Variants in HGFAC observed in about 807,000 individuals in gnomAD.
HGFAC encodes HGF activator, also known as hepatocyte growth factor activator serine protease.
Under a neutral mutation model 70.6 loss-of-function variants are expected in HGFAC, and 76 were observed. That is an observed-to-expected ratio of 1.08 (90% confidence interval 0.89 to 1.30). HGFAC has a LOEUF of 1.30. Among genes scored for constraint, HGFAC ranks in the 50% most tolerant of loss-of-function variants. The pLI is 0.00. For missense variants in HGFAC, 1,044 were observed against 933.7 expected, an observed-to-expected ratio of 1.12 and a Z score of -1.54; for synonymous variants, 464 against 405.3, an observed-to-expected ratio of 1.14 and a Z score of -1.74.
Position 3,444,896 on chromosome 4 carries a change from T to C in HGFAC, c.919T>C (p.Cys307Arg). 6.2e-7 allele frequency: 1 copy of C among 1,609,278 alleles called. No individual in the cohort carries two copies. Among genetic ancestry groups the C allele is most frequent in the South Asian group, 1.1e-5 (1 of 90,328 alleles). ...VASTSASGLS[C>R]LAWNSDLLYQ... is the part of the protein sequence containing the mutation. ...CAGCACCTCAGCCTCGGGCCTCAGC[T>C]GCCTGGCCTGGAACTCCGATCTGCT... Residue 307 changes from cysteine (C) to arginine (R), a missense_variant, in exon 8 of 14, where the codon TGC (cysteine) becomes CGC (arginine). Coordinates refer to ENST00000382774, the MANE Select transcript of HGFAC (RefSeq NM_001528.4).
rs781328045 is a variant in HGFAC at position 3,444,970 on chromosome 4, C to A, written c.993C>A (p.Gly331=). The A allele has an allele frequency of 6.3e-7, 1 of 1,599,094 alleles. No homozygotes were observed. Among genetic ancestry groups the A allele is most frequent in the Admixed American group, 1.7e-5 (1 of 58,458 alleles). ...CCGTGGGCGCCGCGGCCCTGCTGGG[C>A]CTGGGCCCCCATGCCTACTGCCGGT... ...VDSVGAAALL[G]LGPHAYCRNP... is the part of the protein sequence containing the mutation. The change falls in exon 8 of 14, where the codon GGC becomes GGA. Residue 331 remains glycine (G), a synonymous_variant. Transcript: ENST00000382774.
intron 1 of HGFAC, 125 bp downstream of exon 1, chr4:3,442,243 G>A (rs956654559): frequency 1.7e-4 from 121 of 703,304 alleles, no homozygotes; most frequent in Non-Finnish European, 6.8e-5. Flanking sequence ...GTCCGAGCAG[G>A]GGGCTTACGT....
intron 8 of HGFAC, 79 bp downstream of exon 8, chr4:3,445,072 G>C (rs1725455820): frequency 1.4e-6 from 2 of 1,438,232 alleles, no homozygotes; most frequent in African/African-American, 1.4e-5. Flanking sequence ...CGGCTCCCTA[G>C]GACCCAGGCG....
At chr4:3,446,711 C>T (rs936775677) in intron 10 of HGFAC, among the ~76,000 whole-genome samples, 4 of 152,162 alleles carry the variant, frequency 2.6e-5, no homozygotes, top group Admixed American at 2.6e-4. Context: ...CCCACTCAGC[C>T]GGCTCCCCTC....
chr4:3,445,353 G>A lies in HGFAC; in HGVS notation c.1102+3G>A. 1 of 1,561,866 alleles carries A rather than the reference G, an allele frequency of 6.4e-7. No homozygotes were observed. Among genetic ancestry groups the A allele is most frequent in the East Asian group, 2.4e-5 (1 of 41,696 alleles). On this transcript the variant is annotated splice_donor_region_variant and intron_variant, in intron 9 of 13. Coordinates refer to ENST00000382774, the MANE Select transcript of HGFAC (RefSeq NM_001528.4). ...GTACTGCCGCCTGGAGGCCTGCGGT[G>A]CGCGGCTGGCGGGGGGTGCTGCCTT...
intron 6 of HGFAC, 28 bp from the exon 7 acceptor site, chr4:3,444,595 T>A (rs772874402): frequency 4.5e-6 from 7 of 1,563,022 alleles, no homozygotes; most frequent in African/African-American, 2.7e-5. Context: ...GCGCGGCCCC[T>A]GGCCCAGCTC....
chr4:3,448,655 C>A (rs1353100707), intron 13 of HGFAC, among the ~76,000 whole-genome samples: 3 of 152,358 alleles, frequency 2.0e-5, no homozygotes, highest in African/African-American at 7.2e-5. Flanking sequence ...AGTTCTTCAA[C>A]CTTCAATAAG....
rs986070688 is a variant in HGFAC, at chr4:3,449,293, C to T, written c.1842C>T (p.Gly614=). 2 of 1,612,578 alleles carry T rather than the reference C, an allele frequency of 1.2e-6. No homozygotes were observed. Among genetic ancestry groups the T allele is most frequent in the East Asian group, 2.2e-5 (1 of 44,834 alleles). Residue 614 remains glycine, a synonymous_variant, in exon 14 of 14, where the codon GGC becomes GGT. Coordinates refer to ENST00000382774, the MANE Select transcript of HGFAC (RefSeq NM_001528.4). ...AGAACGGCGTGGCTTACCTCTACGG[C>T]ATCATCAGCTGGGGTGACGGCTGCG... ...CEKNGVAYLY[G]IISWGDGCGR...
chr4:3,442,913 G>GT lies in HGFAC; in HGVS notation c.298+2dup. 1 of 1,562,116 alleles carries GT rather than the reference G, an allele frequency of 6.4e-7. No individual in the cohort carries two copies. The highest frequency in any genetic ancestry group is 8.7e-7 in the Non-Finnish European group (1 of 1,155,210). ...TCGAGCAGTAGCCCCCAGGCCCAAG[G>GT]TGGGTCAGGTGGGCCTGGGAGGAGG... On this transcript the variant is annotated splice_donor_variant, in intron 2 of 13. Transcript: ENST00000382774. LOFTEE classifies it high-confidence loss of function.
rs771527814 is a variant in HGFAC at position 3,447,649 on chromosome 4, G to A, written c.1495+18G>A. ...CGACCTCGGTGAGCTCCGGCGTGTC[G>A]TGGCTGCACTCTGGGCAGGTGGGCC... On this transcript the variant is annotated intron_variant, in intron 11 of 13. Transcript: ENST00000382774. The A allele has an allele frequency of 6.1e-5, 99 of 1,611,536 alleles. 1 individual carries two copies. Among genetic ancestry groups the A allele is most frequent in the Middle Eastern group, 3.3e-4 (2 of 6,070 alleles).
chr4:3,443,988 G>T, intron 4 of HGFAC, 51 bp from the exon 5 acceptor site: 3 of 1,522,834 alleles, frequency 2.0e-6, no homozygotes, highest in South Asian at 2.6e-5. Flanking sequence ...GTCACAGAGG[G>T]ACCCTGAGCC....
chr4:3,449,438 T>G lies in HGFAC; in HGVS notation c.*19T>G. 6.6e-7 allele frequency: 1 copy of G among 1,505,242 alleles called. No individual in the cohort carries two copies. The highest frequency in any genetic ancestry group is 8.9e-7 in the Non-Finnish European group (1 of 1,124,614). 93.2% of individuals were successfully genotyped at this position (1,505,242 alleles called of 1,614,324 possible). A position where few individuals can be genotyped will look rare whatever the true frequency, so the allele number is the denominator to read the frequency against. ...CTCCTGACCCTCCAGCGGGACACCC[T>G]GGTTCCCACCATTCCCTGCCTTGCT... On this transcript the variant is annotated 3_prime_UTR_variant, in exon 14 of 14. Transcript: ENST00000382774.
At position 3,445,298 on chromosome 4, in the gene HGFAC, C is replaced by T. The variant is rs144652114; in HGVS notation, c.1050C>T (p.Tyr350=). 1,657 of 1,588,882 alleles carry T rather than the reference C, an allele frequency of 1.0e-3. 45 individuals carry two copies. In the South Asian group the frequency reaches 0.017, roughly 16 times the overall value. Residue 350 remains tyrosine, a synonymous_variant, in exon 9 of 14, where the codon TAC becomes TAT. Coordinates refer to ENST00000382774, the MANE Select transcript of HGFAC (RefSeq NM_001528.4). The part of the protein sequence containing the change: ...NPDNDERPWC[Y]VVKDSALSWE... ...ACAATGACGAGAGGCCCTGGTGCTACGTGGTGAAGGACAGCGCGCTCTCCT... is the reference window on the plus strand; with the variant it reads ...ACAATGACGAGAGGCCCTGGTGCTATGTGGTGAAGGACAGCGCGCTCTCCT...
chr4:3,445,081 C>A, intron 8 of HGFAC, 88 bp downstream of exon 8: 1 of 1,415,568 alleles, frequency 7.1e-7, no homozygotes, highest in South Asian at 1.4e-5. Flanking sequence ...AGGACCCAGG[C>A]GGGGCCAGCT....
In HGFAC at chr4:3,446,246, T is replaced by C; in HGVS notation, c.1307T>C (p.Leu436Pro). 3 of 1,610,572 alleles carry C rather than the reference T, an allele frequency of 1.9e-6. No homozygotes were observed. Among genetic ancestry groups the C allele is most frequent in the Non-Finnish European group, 8.5e-7 (1 of 1,179,340 alleles). The stretch of plus-strand genomic sequence containing the variant: ...GGGGACAGCTTCTGCGCCGGGAGCC[T>C]GGTCCACACCTGCTGGGTGGTGTCG... Reference protein sequence around the residue: ...YIGDSFCAGSLVHTCWVVSAA... With the variant: ...YIGDSFCAGSPVHTCWVVSAA... The change falls in exon 10 of 14, where the codon CTG (leucine) becomes CCG (proline). Residue 436 changes from leucine (L) to proline (P), a missense_variant. Leu to Pro is a moderately conservative substitution (Grantham distance 98, BLOSUM62 -3). Coordinates refer to ENST00000382774, the MANE Select transcript of HGFAC (RefSeq NM_001528.4).
rs1444170877 is a variant in HGFAC, at chr4:3,443,038, C to G, written c.299-12C>G. The G allele has an allele frequency of 3.1e-6, 5 of 1,589,434 alleles. No homozygotes were observed. In the South Asian group the frequency reaches 5.6e-5, roughly 18 times the overall value. Reference sequence around the variant, plus strand: ...TCGAGGGAGCCCTGACCCTGCCACCCCCTCCCCACAGCACTCACCGAGGAC... The same window carrying G: ...TCGAGGGAGCCCTGACCCTGCCACCGCCTCCCCACAGCACTCACCGAGGAC... On this transcript the variant is annotated splice_polypyrimidine_tract_variant and intron_variant, in intron 2 of 13. Coordinates refer to ENST00000382774, the MANE Select transcript of HGFAC (RefSeq NM_001528.4).
At position 3,444,126 on chromosome 4, in the gene HGFAC, G is replaced by GC. The variant is rs1560192016; in HGVS notation, c.568dup (p.Arg190ProfsTer15). On this transcript the variant is annotated frameshift_variant, in exon 5 of 14. Transcript: ENST00000382774. LOFTEE classifies it high-confidence loss of function. ...GACCCCCAGTCCTATCACTGCAGCT[G>GC]CCCCCGGGCCTTCACCGGCAAGGAC... 2.5e-6 allele frequency: 4 copies of GC among 1,611,598 alleles called. No individual in the cohort carries two copies. The highest frequency in any genetic ancestry group is 2.7e-5 in the African/African-American group (2 of 74,892).
chr4:3,444,607 T>C lies in HGFAC; in HGVS notation c.731-16T>C, dbSNP rs760419653. 1 of 1,578,046 alleles carries C rather than the reference T, an allele frequency of 6.3e-7. No individual in the cohort carries two copies. The highest frequency in any genetic ancestry group is 2.3e-5 in the East Asian group (1 of 44,150). Reference sequence around the variant, plus strand: ...ACTGCGCGGCCCCTGGCCCAGCTCCTCGGCCCTGCCCCCAGCTTGTCTGAG... The same window carrying C: ...ACTGCGCGGCCCCTGGCCCAGCTCCCCGGCCCTGCCCCCAGCTTGTCTGAG... On this transcript the variant is annotated splice_polypyrimidine_tract_variant and intron_variant, in intron 6 of 13. Coordinates refer to ENST00000382774, the MANE Select transcript of HGFAC (RefSeq NM_001528.4).
intron 8 of HGFAC, 104 bp from the exon 9 acceptor site, chr4:3,445,161 T>C: frequency 6.2e-6 from 8 of 1,294,800 alleles, no homozygotes; most frequent in Non-Finnish European, 8.7e-6. Context: ...TTCCCACTGC[T>C]CCAGGTGCGG....
Sources: gnomAD v4.1 joint callset for allele counts (sites outside exome capture counted in the v4.1 genomes callset) on GRCh38, gnomAD v4.1.1 for gene constraint, MANE v1.5 for transcripts, NCBI Gene and HGNC (gene_info 2026-07-23, HGNC 2026-07-21) for gene names.